ELMO1: variants seen among roughly 807,000 people sequenced by gnomAD.
The protein encoded by ELMO1 is engulfment and cell motility protein 1.
Under a neutral mutation model 98.9 loss-of-function variants are expected in ELMO1, and 26 were observed. The ratio of observed to expected loss-of-function variants is 0.26; its 90% confidence interval spans 0.19 to 0.36. The LOEUF is 0.36. Among genes scored for constraint, ELMO1 ranks in the 10% least tolerant of loss-of-function variants. The pLI, the probability that ELMO1 is intolerant of heterozygous loss-of-function variation, is 1.00. For missense variants in ELMO1, 627 were observed against 935.2 expected (o/e 0.67, Z 4.30); for synonymous variants, 346 against 346.0 (o/e 1.00, Z 0.00).
chr7:37,436,861 G>A (rs1370722950), intron 1 of ELMO1, among the ~76,000 whole-genome samples: 2 of 152,128 alleles, frequency 1.3e-5, no homozygotes, highest in East Asian at 3.9e-4. Flanking sequence ...GGCCACACTG[G>A]GTCTGTACAC....
intron 2 of ELMO1, among the ~76,000 whole-genome samples, chr7:37,318,078 A>G (rs1221849077): frequency 6.6e-6 from 1 of 152,232 alleles, no homozygotes; most frequent in Non-Finnish European, 1.5e-5. Context: ...CCTCTAGAAT[A>G]AGATGACAAT....
intron 14 of ELMO1, among the ~76,000 whole-genome samples, chr7:37,098,579 G>A (rs182231380): frequency 2.0e-5 from 3 of 152,280 alleles, no homozygotes; most frequent in Admixed American, 1.3e-4. Context: ...GAGGTGAGCT[G>A]GGCAGTGGGC....
chr7:37,198,165 A>G (rs1792080030), intron 13 of ELMO1, among the ~76,000 whole-genome samples: 1 of 152,216 alleles, frequency 6.6e-6, no homozygotes, highest in Non-Finnish European at 1.5e-5. Context: ...TTTGAGGGGT[A>G]TAAAAGTCCT....
chr7:37,076,994 C>T (rs1797617893), intron 15 of ELMO1, among the ~76,000 whole-genome samples: 1 of 152,188 alleles, frequency 6.6e-6, no homozygotes, highest in African/African-American at 2.4e-5. Context: ...CAATTATGCC[C>T]CCGACAACAA....
At chr7:37,322,725 C>A (rs1799587034) in intron 2 of ELMO1, among the ~76,000 whole-genome samples, 1 of 151,800 alleles carries the variant, frequency 6.6e-6, no homozygotes, top group Non-Finnish European at 1.5e-5. Flanking sequence ...ACTGCTTGAG[C>A]CCAGGAAGCA....
intron 15 of ELMO1, among the ~76,000 whole-genome samples, chr7:37,061,982 T>C (rs922523552): frequency 6.6e-6 from 1 of 152,190 alleles, no homozygotes; most frequent in Non-Finnish European, 1.5e-5. Context: ...CTGGCTGGGT[T>C]ATATTTCATC....
intron 2 of ELMO1, among the ~76,000 whole-genome samples, chr7:37,341,619 A>G (rs1037886212): frequency 1.3e-5 from 2 of 152,202 alleles, no homozygotes; most frequent in Non-Finnish European, 2.9e-5. Flanking sequence ...GCTGACCCGT[A>G]TAATTCATTT....
At position 37,259,174 on chromosome 7, in the gene ELMO1, C is replaced by T. The variant is rs376792319; in HGVS notation, c.413+7G>A. On this transcript the variant is annotated splice_region_variant and intron_variant, in intron 6 of 21. Transcript: ENST00000310758. ...CAGCTGTGGAAGTTAGGAAAAAAGACGCTTACTCAGTGCCGCTCTCCACCA... is the reference window on the plus strand; with the variant it reads ...CAGCTGTGGAAGTTAGGAAAAAAGATGCTTACTCAGTGCCGCTCTCCACCA... 23 of 1,607,450 alleles carry T rather than the reference C, an allele frequency of 1.4e-5. No individual in the cohort carries two copies. The highest frequency in any genetic ancestry group is 1.7e-4 in the Middle Eastern group (1 of 6,044).
intron 7 of ELMO1, among the ~76,000 whole-genome samples, chr7:37,240,685 T>C (rs750092493): frequency 1.6e-4 from 25 of 152,348 alleles, no homozygotes; most frequent in Admixed American, 9.8e-4. Context: ...TTCATTACCA[T>C]TCAGTTAAAA....
intron 7 of ELMO1, among the ~76,000 whole-genome samples, chr7:37,241,063 C>T (rs1794740866): frequency 6.6e-6 from 1 of 152,094 alleles, no homozygotes; most frequent in African/African-American, 2.4e-5. Flanking sequence ...TTAAAATCAT[C>T]AACTATGCTG....
intron 15 of ELMO1, among the ~76,000 whole-genome samples, chr7:37,036,730 A>G (rs1245364170): frequency 6.6e-5 from 10 of 152,168 alleles, no homozygotes; most frequent in Non-Finnish European, 1.3e-4. Context: ...ATCAGGAGGA[A>G]GTCCACCAAT....
chr7:36,876,767 C>A (rs1217430483), intron 19 of ELMO1, among the ~76,000 whole-genome samples: 10 of 152,120 alleles, frequency 6.6e-5, no homozygotes, highest in African/African-American at 2.4e-4. Context: ...CCCAGGACAC[C>A]CCTAACTCCT....
intron 14 of ELMO1, among the ~76,000 whole-genome samples, chr7:37,122,303 A>C (rs182600644): frequency 3.8e-3 from 575 of 152,318 alleles, no homozygotes; most frequent in Middle Eastern, 6.8e-3. Flanking sequence ...CCTTAAATGC[A>C]AATGGGCTAA....
intron 13 of ELMO1, among the ~76,000 whole-genome samples, chr7:37,159,160 G>A (rs1253765646): frequency 1.3e-5 from 2 of 152,150 alleles, no homozygotes; most frequent in Non-Finnish European, 2.9e-5. Context: ...TCGTGGGTAG[G>A]GGGGCTGGCG....
At chr7:37,407,507 CAAAA>C (rs34117162) in intron 1 of ELMO1, among the ~76,000 whole-genome samples, 2 of 91,666 alleles carry the variant, frequency 2.2e-5, no homozygotes. Context: ...AACTCCATCT[CAAAA>C]AAAAAAAAAA....
intron 14 of ELMO1, among the ~76,000 whole-genome samples, chr7:37,111,009 T>C (rs138229602): frequency 2.4e-4 from 37 of 152,332 alleles, no homozygotes; most frequent in Non-Finnish European, 4.3e-4. Context: ...AGTTACTTCA[T>C]TCTCCTACCC....
At chr7:36,924,506 T>C (rs113756021) in intron 16 of ELMO1, among the ~76,000 whole-genome samples, 1 of 152,182 alleles carries the variant, frequency 6.6e-6, no homozygotes. Context: ...TACGTCCTCT[T>C]AGCACTGCCT....
At chr7:37,232,098 C>T (rs1794207967) in intron 8 of ELMO1, among the ~76,000 whole-genome samples, 1 of 152,150 alleles carries the variant, frequency 6.6e-6, no homozygotes, top group Non-Finnish European at 1.5e-5. Flanking sequence ...AATAATCCAC[C>T]TGCGCTGGCC....
chr7:37,190,611 C>T (rs1791505365), intron 13 of ELMO1, among the ~76,000 whole-genome samples: 1 of 152,116 alleles, frequency 6.6e-6, no homozygotes. Flanking sequence ...GATTCTCCTG[C>T]CTTAGCCTCT....
Sources: gnomAD v4.1 joint callset for allele counts (sites outside exome capture counted in the v4.1 genomes callset) on GRCh38, gnomAD v4.1.1 for gene constraint, MANE v1.5 for transcripts, NCBI Gene and HGNC (gene_info 2026-07-23, HGNC 2026-07-21) for gene names.